The following SLC25A48 variants were observed in gnomAD, a reference collection of about 807,000 sequenced individuals.
SLC25A48 encodes the protein CTC-321K16.1.
Under a neutral mutation model 32.2 loss-of-function variants are expected in SLC25A48, and 29 were observed. That is an observed-to-expected ratio of 0.90 (90% CI 0.67 to 1.23). The LOEUF is 1.23. Among genes scored for constraint, SLC25A48 ranks in the 50% most tolerant of loss-of-function variants. SLC25A48 has a pLI of 0.00. For missense variants in SLC25A48, 399 were observed against 422.7 expected (o/e 0.94, Z 0.49); for synonymous variants, 164 against 172.3 (o/e 0.95, Z 0.38).
At chr5:135,587,089 G>C (rs992114616) in intron 1 of SLC25A48, among the ~76,000 whole-genome samples, 4 of 152,112 alleles carry the variant, frequency 2.6e-5, no homozygotes, top group African/African-American at 9.7e-5. Context: ...GGAGTGCAGT[G>C]GTGTGATCTC....
chr5:135,880,450 C>T (rs1297973260), intron 7 of SLC25A48, among the ~76,000 whole-genome samples: 1 of 152,136 alleles, frequency 6.6e-6, no homozygotes, highest in East Asian at 1.9e-4. Context: ...GTGAGGACTG[C>T]AACCAGGGTA....
chr5:135,853,725 A>T (rs1156451870), intron 4 of SLC25A48, among the ~76,000 whole-genome samples: 1 of 152,160 alleles, frequency 6.6e-6, no homozygotes, highest in East Asian at 1.9e-4. Flanking sequence ...AACTACTTCC[A>T]AACTCTTGTT....
At chr5:135,579,666 T>G (rs1239274791) in intron 1 of SLC25A48, 1 of 152,054 alleles carries the variant, frequency 6.6e-6, no homozygotes, top group Non-Finnish European at 1.5e-5. Flanking sequence ...AAAGGAAAGC[T>G]CCTTAAAGTG....
At chr5:135,845,127 T>C (rs1759300940) in intron 2 of SLC25A48, among the ~76,000 whole-genome samples, 1 of 152,364 alleles carries the variant, frequency 6.6e-6, no homozygotes, top group South Asian at 2.1e-4. Context: ...TGTTGATGCC[T>C]TCTGGAGGCT....
intron 4 of SLC25A48, among the ~76,000 whole-genome samples, chr5:135,854,957 AGTT>A (rs990529797): frequency 2.6e-5 from 4 of 152,164 alleles, no homozygotes; most frequent in African/African-American, 9.7e-5. Context: ...CCTAATTTCA[AGTT>A]GTTGTGTCTC....
intron 4 of SLC25A48, among the ~76,000 whole-genome samples, chr5:135,854,270 G>A (rs182244747): frequency 6.6e-6 from 1 of 152,198 alleles, no homozygotes; most frequent in African/African-American, 2.4e-5. Context: ...CCTAACAAGA[G>A]AGTCAGCCTG....
intron 4 of SLC25A48, among the ~76,000 whole-genome samples, chr5:135,867,362 T>G (rs1328855382): frequency 1.3e-5 from 2 of 152,186 alleles, no homozygotes; most frequent in Non-Finnish European, 2.9e-5. Flanking sequence ...TTTCCAAGAC[T>G]GACTTACCAG....
rs147014224 is a variant in SLC25A48, at chr5:135,596,176, A to G, written c.-849+16579A>G. Among the ~76,000 whole-genome samples the G allele has an allele frequency of 9.7e-3, 1,472 of 152,366 alleles. 16 individuals carry two copies. The highest frequency in any genetic ancestry group is 0.034 in the African/African-American group (1,400 of 41,582). On this transcript the variant is annotated intron_variant, in intron 1 of 10. Transcript: ENST00000646290. ...TATAGACATTTCATACAAAAATTTTAAAAGATTCTGTGAACATTCTGTATA... is the reference window on the plus strand; with the variant it reads ...TATAGACATTTCATACAAAAATTTTGAAAGATTCTGTGAACATTCTGTATA...
chr5:135,736,506 C>A (rs567854168), intron 3 of SLC25A48, among the ~76,000 whole-genome samples: 14 of 151,886 alleles, frequency 9.2e-5, no homozygotes, highest in African/African-American at 3.4e-4. Context: ...AGGAGGCAAG[C>A]CCAGAGAAAA....
At chr5:135,786,042 G>A (rs572094826) in intron 3 of SLC25A48, among the ~76,000 whole-genome samples, 1 of 151,230 alleles carries the variant, frequency 6.6e-6, no homozygotes, top group South Asian at 2.1e-4. Flanking sequence ...CTCCCCGTGG[G>A]GCTGGGGGTG....
intron 3 of SLC25A48, among the ~76,000 whole-genome samples, chr5:135,701,863 G>GTGAT (rs1754403161): frequency 6.6e-6 from 1 of 152,218 alleles, no homozygotes; most frequent in East Asian, 1.9e-4. Context: ...GGAAACAAGA[G>GTGAT]TGATTATTTC....
intron 3 of SLC25A48, among the ~76,000 whole-genome samples, chr5:135,644,100 A>G (rs974240946): frequency 1.3e-5 from 2 of 152,152 alleles, no homozygotes; most frequent in Non-Finnish European, 2.9e-5. Context: ...TATTCAAATA[A>G]AGAGATTAGA....
At chr5:135,582,114 A>C (rs1751247806) in intron 1 of SLC25A48, among the ~76,000 whole-genome samples, 1 of 152,234 alleles carries the variant, frequency 6.6e-6, no homozygotes, top group African/African-American at 2.4e-5. Flanking sequence ...GAAGAGGTAG[A>C]CGTGAAGTGT....
chr5:135,674,212 TA>T (rs1323982751), intron 3 of SLC25A48, among the ~76,000 whole-genome samples: 3 of 152,084 alleles, frequency 2.0e-5, no homozygotes, highest in Non-Finnish European at 4.4e-5. Context: ...ACAGACTGTA[TA>T]ATAATCAAGT....
At chr5:135,868,664 A>G (rs1368896128) in intron 4 of SLC25A48, among the ~76,000 whole-genome samples, 1 of 89,460 alleles carries the variant, frequency 1.1e-5, no homozygotes, top group African/African-American at 3.3e-5. Flanking sequence ...ATGTGTATAC[A>G]CACACACACA....
intron 3 of SLC25A48, among the ~76,000 whole-genome samples, chr5:135,781,578 G>T (rs908473464): frequency 8.6e-6 from 1 of 116,934 alleles, no homozygotes; most frequent in African/African-American, 2.6e-5. Context: ...TATCGCAGTG[G>T]GTGTATAACT....
At position 135,857,481 on chromosome 5, in the gene SLC25A48, T is replaced by A. The variant is rs1489192518; in HGVS notation, c.421+4660T>A. ...TGTCCACCCATCACCTTCTTTAATA[T>A]CCACCATTACAGCATGAGGCAGATA... On this transcript the variant is annotated intron_variant, in intron 4 of 7. Transcript: ENST00000681962. 2.6e-5 allele frequency among the ~76,000 whole-genome samples: 4 copies of A among 152,216 alleles called. No individual in the cohort carries two copies. The East Asian group carries it at 7.7e-4, about 29-fold the overall frequency.
intron 3 of SLC25A48, among the ~76,000 whole-genome samples, chr5:135,754,419 A>G (rs1007369826): frequency 6.6e-6 from 1 of 152,054 alleles, no homozygotes; most frequent in African/African-American, 2.4e-5. Context: ...CAGTGTTGAC[A>G]TGGAGTGTTT....
chr5:135,654,724 C>T (rs1410493683), intron 3 of SLC25A48, among the ~76,000 whole-genome samples: 1 of 152,306 alleles, frequency 6.6e-6, no homozygotes, highest in East Asian at 1.9e-4. Context: ...AGGAGATTAC[C>T]TTTCATGATC....
Sources: allele counts gnomAD v4.1 joint callset (sites outside exome capture counted in the v4.1 genomes callset), GRCh38; gene constraint gnomAD v4.1.1; transcripts MANE v1.5; gene names NCBI Gene and HGNC (gene_info 2026-07-23, HGNC 2026-07-21).